GRM7: variants seen among roughly 807,000 people sequenced by gnomAD.
GRM7 encodes metabotropic glutamate receptor 7.
Under a neutral mutation model 84.5 loss-of-function variants are expected in GRM7, and 35 were observed. The ratio of observed to expected loss-of-function variants is 0.41; its 90% CI spans 0.32 to 0.55. The LOEUF (loss-of-function observed/expected upper bound fraction) is 0.55, where lower values mean the gene tolerates loss of function less well. Among genes scored for constraint, GRM7 ranks in the 20% least tolerant of loss-of-function variants. GRM7 has a pLI of 0.19. For synonymous variants in GRM7, 487 were observed against 455.1 expected (o/e 1.07, Z -0.89); for missense variants, 1,003 against 1,194.6 (o/e 0.84, Z 2.36).
intron 2 of GRM7, among the ~76,000 whole-genome samples, chr3:7,232,759 G>A (rs1697234252): frequency 6.6e-6 from 1 of 152,162 alleles, no homozygotes; most frequent in Non-Finnish European, 1.5e-5. Flanking sequence ...ATATCTTGCA[G>A]ATGAAGTTTA....
chr3:7,529,628 C>T (rs1434022306), intron 7 of GRM7, among the ~76,000 whole-genome samples: 2 of 152,092 alleles, frequency 1.3e-5, no homozygotes, highest in Non-Finnish European at 2.9e-5. Context: ...GTTCCTAGCC[C>T]GTTGCCTGTA....
chr3:6,966,955 A>T (rs1693543677), intron 1 of GRM7, among the ~76,000 whole-genome samples: 1 of 152,148 alleles, frequency 6.6e-6, no homozygotes, highest in African/African-American at 2.4e-5. Context: ...TAATAATAAT[A>T]TCTTACAAAA....
chr3:7,637,816 C>T (rs371615520), intron 8 of GRM7, among the ~76,000 whole-genome samples: 2 of 152,206 alleles, frequency 1.3e-5, no homozygotes, highest in East Asian at 1.9e-4. Flanking sequence ...AAGACACAGA[C>T]TGGCAGGCTG....
intron 2 of GRM7, among the ~76,000 whole-genome samples, chr3:7,155,780 G>T (rs1199203766): frequency 2.0e-5 from 3 of 152,104 alleles, no homozygotes. Flanking sequence ...TCAAGCTGAA[G>T]GGGAGCAGAT....
chr3:7,623,621 A>G (rs1043295215), intron 8 of GRM7, among the ~76,000 whole-genome samples: 2 of 152,098 alleles, frequency 1.3e-5, no homozygotes, highest in Non-Finnish European at 2.9e-5. Flanking sequence ...CTGACTGCAG[A>G]TCAGGCCAAC....
intron 2 of GRM7, among the ~76,000 whole-genome samples, chr3:7,172,858 C>G (rs1016533662): frequency 1.3e-5 from 2 of 151,976 alleles, no homozygotes; most frequent in East Asian, 1.9e-4. Flanking sequence ...ATACTATGCT[C>G]TATGTCAGCC....
At chr3:7,440,072 C>T (rs1697224679) in intron 5 of GRM7, among the ~76,000 whole-genome samples, 1 of 152,144 alleles carries the variant, frequency 6.6e-6, no homozygotes, top group Non-Finnish European at 1.5e-5. Context: ...GGTTGTTAAA[C>T]AATAGAGAAT....
intron 1 of GRM7, among the ~76,000 whole-genome samples, chr3:6,967,083 C>G (rs1366234178): frequency 6.6e-6 from 1 of 152,170 alleles, no homozygotes; most frequent in Non-Finnish European, 1.5e-5. Flanking sequence ...ATCCTCCCAC[C>G]TCAGTATTTT....
intron 8 of GRM7, among the ~76,000 whole-genome samples, chr3:7,611,785 A>G (rs1022970769): frequency 5.3e-5 from 8 of 152,168 alleles, no homozygotes; most frequent in African/African-American, 1.9e-4. Context: ...GGTGACCTAC[A>G]TATGCCCATT....
chr3:7,373,503 T>TA (rs1312624792), intron 4 of GRM7, among the ~76,000 whole-genome samples: 2 of 152,220 alleles, frequency 1.3e-5, no homozygotes, highest in African/African-American at 4.8e-5. Context: ...CAGTTTGTAT[T>TA]AAACTACATT....
chr3:7,210,492 G>A (rs548428312), intron 2 of GRM7, among the ~76,000 whole-genome samples: 1 of 152,302 alleles, frequency 6.6e-6, no homozygotes, highest in African/African-American at 2.4e-5. Flanking sequence ...GTAAGGCCAG[G>A]TGTTACAGAA....
At chr3:7,468,453 TGA>T (rs1698551360) in intron 7 of GRM7, among the ~76,000 whole-genome samples, 1 of 152,212 alleles carries the variant, frequency 6.6e-6, no homozygotes, top group Admixed American at 6.5e-5. Flanking sequence ...CCTATTTCAC[TGA>T]GTTATGGTTA....
At chr3:7,692,926 CAT>C (rs1465801888) in intron 9 of GRM7, among the ~76,000 whole-genome samples, 2 of 151,312 alleles carry the variant, frequency 1.3e-5, no homozygotes, top group African/African-American at 4.9e-5. Flanking sequence ...AGGAGGGAAA[CAT>C]AATCTAACTT....
At chr3:7,272,166 C>T (rs1398391474) in intron 2 of GRM7, among the ~76,000 whole-genome samples, 2 of 152,130 alleles carry the variant, frequency 1.3e-5, no homozygotes, top group African/African-American at 2.4e-5. Context: ...CCCTCCGTAA[C>T]CCCACCCCTT....
chr3:7,718,079 C>A (rs1032996356), intron 9 of GRM7, among the ~76,000 whole-genome samples: 6 of 152,178 alleles, frequency 3.9e-5, no homozygotes, highest in African/African-American at 7.2e-5. Flanking sequence ...GCTCAGCCAA[C>A]CCTGGGGCCT....
intron 2 of GRM7, among the ~76,000 whole-genome samples, chr3:7,215,236 T>A (rs1696561576): frequency 6.6e-6 from 1 of 152,212 alleles, no homozygotes; most frequent in South Asian, 2.1e-4. Context: ...TTGGTTAATA[T>A]GTTGGAACGA....
At chr3:7,546,879 C>G (rs897465677) in intron 7 of GRM7, among the ~76,000 whole-genome samples, 11 of 152,096 alleles carry the variant, frequency 7.2e-5, no homozygotes, top group Non-Finnish European at 1.2e-4. Flanking sequence ...ATGTAAATGC[C>G]GATGTTAGAG....
At chr3:7,254,450 G>C (rs910864763) in intron 2 of GRM7, among the ~76,000 whole-genome samples, 3 of 152,206 alleles carry the variant, frequency 2.0e-5, no homozygotes, top group Admixed American at 1.3e-4. Context: ...GTTAAAGAAT[G>C]TTCAGCGTAC....
chr3:6,980,074 G>T (rs947956919), intron 1 of GRM7, among the ~76,000 whole-genome samples: 1 of 152,116 alleles, frequency 6.6e-6, no homozygotes. Flanking sequence ...GGCCTTTAAG[G>T]TTAAATGTTA....
Sources: gnomAD v4.1 joint callset for allele counts (sites outside exome capture counted in the v4.1 genomes callset) on GRCh38, gnomAD v4.1.1 for gene constraint, MANE v1.5 for transcripts, NCBI Gene and HGNC (gene_info 2026-07-23, HGNC 2026-07-21) for gene names.